TTN: variants seen among roughly 807,000 people sequenced by gnomAD.
The protein encoded by TTN is titin.
TTN carries 1,525 observed loss-of-function variants against 3,223.0 expected under a neutral mutation model. The observed-to-expected ratio is 0.47, with a 90% CI of 0.45 to 0.49. TTN has a LOEUF of 0.49. Ranked by LOEUF, TTN falls within the 20% of genes least tolerant of loss-of-function variation. The probability of loss-of-function intolerance (pLI) is 0.00; values close to 1 mark genes in which losing one functional copy is unlikely to be tolerated. For missense variants in TTN, 40,786 were observed against 43,424.0 expected (o/e 0.94, Z 5.40); for synonymous variants, 14,094 against 15,161.0 (o/e 0.93, Z 5.17).
chr2:178,561,866 T>C lies in TTN; in HGVS notation c.84266A>G (p.Asn28089Ser). The C allele has an allele frequency of 1.2e-6, 2 of 1,613,676 alleles. No homozygotes were observed. Among genetic ancestry groups the C allele is most frequent in the Non-Finnish European group, 1.7e-6 (2 of 1,179,750 alleles). The change falls in exon 326 of 363, where the codon AAT becomes AGT. Residue 28089 changes from asparagine to serine, a missense_variant. Transcript: ENST00000589042. ...PEYDGGCQISNYIVEKKETTS... is the reference protein window; with the variant it reads ...PEYDGGCQISSYIVEKKETTS... ...GGTTTCTTTCTTTTCAACAATGTAATTGCTAATTTGGCAGCCACCATCATA... is the reference window on the plus strand; with the variant it reads ...GGTTTCTTTCTTTTCAACAATGTAACTGCTAATTTGGCAGCCACCATCATA...
intron 356 of TTN, 113 bp downstream of exon 356, chr2:178,536,825 G>GTACTT: frequency 9.6e-7 from 1 of 1,039,548 alleles, no homozygotes; most frequent in Non-Finnish European, 1.4e-6. Context: ...AAAGGCACTT[G>GTACTT]TACTTTATCT....
In TTN at chr2:178,618,210, C is replaced by A; in HGVS notation, c.47248G>T (p.Val15750Leu). Residue 15750 changes from valine (V) to leucine (L), a missense_variant, in exon 252 of 363, where the codon GTA becomes TTA. Val to Leu is a conservative substitution (Grantham distance 32). Transcript: ENST00000589042. ...TTACCATATTTACTCCTTGCTTCTA[C>A]AGGATTGTCAGTTTCTACTGGCTCA... is the stretch of plus-strand genomic sequence containing the variant. ...TGEPVETDNP[V>L]EARSKYDVPG... 1 of 1,612,602 alleles carries A rather than the reference C, an allele frequency of 6.2e-7. No individual in the cohort carries two copies. Among genetic ancestry groups the A allele is most frequent in the Non-Finnish European group, 8.5e-7 (1 of 1,179,132 alleles).
rs865932347 is a variant in TTN at position 178,529,442 on chromosome 2, T to C, written c.106532-223A>G. 2.0e-4 allele frequency: 77 copies of C among 382,358 alleles called. 1 individual carries two copies. The South Asian group carries it at 2.7e-3, about 13-fold the overall frequency. The allele number at this position is 382,358 out of a possible 1,614,324, so 23.7% of individuals were successfully genotyped here. A position where few individuals can be genotyped will look rare whatever the true frequency, so the allele number is the denominator to read the frequency against. ...TTAAACTAAACTGAGCCAAAGATGATTCATATGACTTAAGGAAAAAAGTCT... is the reference window on the plus strand; with the variant it reads ...TTAAACTAAACTGAGCCAAAGATGACTCATATGACTTAAGGAAAAAAGTCT... On this transcript the variant is annotated intron_variant, in intron 359 of 362. Transcript: ENST00000589042.
At position 178,538,269 on chromosome 2, in the gene TTN, T is replaced by G. The variant is rs1175377657; in HGVS notation, c.99289+271A>C. 8.5e-6 allele frequency: 4 copies of G among 468,146 alleles called. No individual in the cohort carries two copies. In the East Asian group the frequency reaches 1.4e-4, roughly 16 times the overall value. 29.0% of individuals were successfully genotyped at this position (468,146 alleles called of 1,614,324 possible). Reference sequence around the variant, plus strand: ...CATACAATTGTTGACCTTTCAAATCTTGTTGGGAAATATTTTTAAAAAGAA... The same window carrying G: ...CATACAATTGTTGACCTTTCAAATCGTGTTGGGAAATATTTTTAAAAAGAA... On this transcript the variant is annotated intron_variant, in intron 354 of 362. Coordinates refer to ENST00000589042, the MANE Select transcript of TTN (RefSeq NM_001267550.2).
At position 178,699,722 on chromosome 2, in the gene TTN, A is replaced by T. The variant is rs1274902355; in HGVS notation, c.30683-808T>A. On this transcript the variant is annotated intron_variant, in intron 111 of 362. Transcript: ENST00000589042. ...CACCGCGCCCAGCCCACTCTTTTTT[A>T]ATTTTTTTTTTTTTTTTTTTTTGAG... Among the ~76,000 whole-genome samples, 99 of 48,054 alleles carry T rather than the reference A, an allele frequency of 2.1e-3. 2 individuals are homozygous for T. Among genetic ancestry groups the T allele is most frequent in the African/African-American group, 5.3e-3 (74 of 13,952 alleles). The allele number at this position is 48,054 out of a possible 152,430, so 31.5% of individuals were successfully genotyped here. A position where few individuals can be genotyped will look rare whatever the true frequency, so the allele number is the denominator to read the frequency against.
chr2:178,792,436 C>G (rs2093557766), intron 9 of TTN, among the ~76,000 whole-genome samples: 1 of 152,124 alleles, frequency 6.6e-6, no homozygotes. Context: ...TTGTTTTGAA[C>G]AGCAGAATTG....
At chr2:178,660,899 A>G (rs2064629072) in intron 180 of TTN, among the ~76,000 whole-genome samples, 1 of 133,914 alleles carries the variant, frequency 7.5e-6, no homozygotes, top group Admixed American at 7.7e-5. Flanking sequence ...AAAGACATTT[A>G]TGCAGCCAAA....
In TTN at chr2:178,561,199, G is replaced by A. The variant is rs757013679; in HGVS notation, c.84933C>T (p.Tyr28311=). 17 of 1,613,444 alleles carry A rather than the reference G, an allele frequency of 1.1e-5. No individual in the cohort carries two copies. The highest frequency in any genetic ancestry group is 1.4e-5 in the Non-Finnish European group (17 of 1,179,790). ...CTTCAGTAAGTTCAGTTACTTCAAA[G>A]TATGTTTCTTGTATATTAGTATAAT... ...KCNYTNIQET[Y]FEVTELTEDQ... Residue 28311 remains tyrosine (Y), a synonymous_variant, in exon 326 of 363, where the codon TAC becomes TAT. Transcript: ENST00000589042.
Position 178,530,769 on chromosome 2 carries a change from G to C in TTN, c.105846C>G (p.Val35282=), listed in dbSNP as rs762021853. 1 of 1,613,898 alleles carries C rather than the reference G, an allele frequency of 6.2e-7. No individual in the cohort carries two copies. The highest frequency in any genetic ancestry group is 1.7e-5 in the Admixed American group (1 of 60,010). The stretch of plus-strand genomic sequence containing the variant: ...ACTGAGTAATCTTTGGTGGGGCAGA[G>C]ACTGGGAGGTGCTGAACTTTCTCTG... The part of the protein sequence containing the change: ...TPTEKVQHLP[V]SAPPKITQFL... Residue 35282 remains valine, a synonymous_variant, in exon 358 of 363, where the codon GTC becomes GTG. Transcript: ENST00000589042.
chr2:178,671,901 C>G (rs374775441), intron 155 of TTN, 70 bp downstream of exon 155: 1 of 1,533,058 alleles, frequency 6.5e-7, no homozygotes, highest in African/African-American at 1.4e-5. Flanking sequence ...AAACTGAACA[C>G]AAAATTTACT....
chr2:178,650,742 C>G lies in TTN; in HGVS notation c.39709+9G>C, dbSNP rs765647346. The G allele has an allele frequency of 1.1e-4, 177 of 1,596,810 alleles. No individual in the cohort carries two copies. Among genetic ancestry groups the G allele is most frequent in the Non-Finnish European group, 1.5e-4 (171 of 1,170,852 alleles). On this transcript the variant is annotated intron_variant, in intron 209 of 362. Transcript: ENST00000589042. ...TGGCAAGGTCATTAATCACCGGTCT[C>G]ACGTGTACCTTCTGGGGGAGGAGAC...
Position 178,729,646 on chromosome 2 carries a change from T to C in TTN, c.18589+18A>G, listed in dbSNP as rs752521286. On this transcript the variant is annotated intron_variant, in intron 63 of 362. Coordinates refer to ENST00000589042, the MANE Select transcript of TTN (RefSeq NM_001267550.2). ...CAGGCAGCACAGCCAAAATGGAGAA[T>C]AGATTCCATTCACGAACCTTTCACT... 2.5e-6 allele frequency: 4 copies of C among 1,613,536 alleles called. No homozygotes were observed. The highest frequency in any genetic ancestry group is 1.3e-5 in the African/African-American group (1 of 74,914).
intron 85 of TTN, 32 bp downstream of exon 85, chr2:178,718,290 A>G: frequency 6.2e-7 from 1 of 1,602,338 alleles, no homozygotes; most frequent in Non-Finnish European, 8.5e-7. Flanking sequence ...GAAAAGAAAG[A>G]GAGCAATAAA....
At position 178,651,104 on chromosome 2, in the gene TTN, G is replaced by A. The variant is rs2062868192; in HGVS notation, c.39625+139C>T. On this transcript the variant is annotated intron_variant, in intron 208 of 362. Coordinates refer to ENST00000589042, the MANE Select transcript of TTN (RefSeq NM_001267550.2). ...AAGTCAATGAAAAAATTATTAAAAA[G>A]TATTCAGACCCTAAAAATCCAGAAT... is the stretch of plus-strand genomic sequence containing the variant. 3.0e-5 allele frequency: 22 copies of A among 725,912 alleles called. No homozygotes were observed. In the South Asian group the frequency reaches 4.1e-4, roughly 14 times the overall value. The allele number at this position is 725,912 out of a possible 1,614,324, so 45.0% of individuals were successfully genotyped here. A position where few individuals can be genotyped will look rare whatever the true frequency, so the allele number is the denominator to read the frequency against.
At chr2:178,716,683 T>C (rs1156520861) in intron 88 of TTN, among the ~76,000 whole-genome samples, 1 of 152,172 alleles carries the variant, frequency 6.6e-6, no homozygotes, top group Admixed American at 6.5e-5. Flanking sequence ...GAATTCTCCT[T>C]GAAGGGCTTG....
At chr2:178,650,635 ATAAT>A in intron 209 of TTN, 112 bp downstream of exon 209, 1 of 1,060,914 alleles carries the variant, frequency 9.4e-7, no homozygotes, top group Non-Finnish European at 1.3e-6. Context: ...ATTAAGACAA[ATAAT>A]TAAAGGTTAG....
At chr2:178,635,836 A>G in intron 226 of TTN, 121 bp from the exon 227 acceptor site, 2 of 1,507,746 alleles carry the variant, frequency 1.3e-6, no homozygotes, top group South Asian at 1.3e-5. Context: ...AATCCACTGT[A>G]GGATATATTG....
chr2:178,706,231 G>A (rs868171209), intron 102 of TTN, among the ~76,000 whole-genome samples: 5 of 152,168 alleles, frequency 3.3e-5, no homozygotes, highest in Admixed American at 6.5e-5. Context: ...CATAGTATTT[G>A]CATGTAACCT....
chr2:178,701,275 A>G, intron 110 of TTN, 72 bp from the exon 111 acceptor site: 1 of 1,397,918 alleles, frequency 7.2e-7, no homozygotes, highest in Non-Finnish European at 9.9e-7. Flanking sequence ...GAAAAGTCTC[A>G]TGCATTTCTT....
Sources: allele counts gnomAD v4.1 joint callset (sites outside exome capture counted in the v4.1 genomes callset), GRCh38; gene constraint gnomAD v4.1.1; transcripts MANE v1.5; gene names NCBI Gene and HGNC (gene_info 2026-07-23, HGNC 2026-07-21).